MYO1D: variants seen among roughly 807,000 people sequenced by gnomAD.
MYO1D encodes myosin ID.
In MYO1D, 83 loss-of-function variants were observed where a neutral mutation model predicts 122.0. The ratio of observed to expected loss-of-function variants is 0.68; its 90% CI spans 0.57 to 0.82. The LOEUF (loss-of-function observed/expected upper bound fraction) is 0.82, where lower values mean the gene tolerates loss of function less well. MYO1D is among the 40% of genes least tolerant of loss of function. The probability of loss-of-function intolerance (pLI) is 0.00; values close to 1 mark genes in which losing one functional copy is unlikely to be tolerated. For missense variants in MYO1D, 1,157 were observed against 1,269.5 expected (o/e 0.91, Z 1.35); for synonymous variants, 464 against 446.9 (o/e 1.04, Z -0.48).
At chr17:32,823,892 C>A (rs896054458) in intron 1 of MYO1D, among the ~76,000 whole-genome samples, 1 of 151,604 alleles carries the variant, frequency 6.6e-6, no homozygotes, top group Admixed American at 6.6e-5. Context: ...ATGGTGAAAC[C>A]CTGTCTCTAC....
chr17:32,655,719 T>C (rs1183344499), intron 17 of MYO1D, among the ~76,000 whole-genome samples: 3 of 152,108 alleles, frequency 2.0e-5, no homozygotes, highest in Admixed American at 6.5e-5. Context: ...GCCTTTCCTC[T>C]GAATGAGATG....
chr17:32,519,903 A>T (rs78980278), intron 21 of MYO1D, among the ~76,000 whole-genome samples: 81,838 of 127,502 alleles, frequency 0.64, 23,985 homozygotes, highest in Non-Finnish European at 0.66. Context: ...TTTTTTTTTA[A>T]AAAAAAAAAC....
intron 20 of MYO1D, among the ~76,000 whole-genome samples, chr17:32,622,482 A>G (rs1470125930): frequency 6.6e-6 from 1 of 152,176 alleles, no homozygotes; most frequent in African/African-American, 2.4e-5. Flanking sequence ...ATAATGTGAC[A>G]GGTGGTGATG....
intron 2 of MYO1D, 100 bp downstream of exon 2, chr17:32,780,476 T>C (rs2090223538): frequency 7.9e-7 from 1 of 1,258,824 alleles, no homozygotes; most frequent in African/African-American, 1.8e-5. Context: ...CTCAGGCTTC[T>C]ACCTTTAAAA....
At chr17:32,796,974 T>G (rs904845175) in intron 1 of MYO1D, among the ~76,000 whole-genome samples, 2 of 151,688 alleles carry the variant, frequency 1.3e-5, no homozygotes, top group Admixed American at 6.6e-5. Flanking sequence ...GCATCACTTT[T>G]GTTGTTTTTT....
chr17:32,650,958 C>CAT (rs2088380066), intron 19 of MYO1D, among the ~76,000 whole-genome samples: 1 of 151,960 alleles, frequency 6.6e-6, no homozygotes, highest in African/African-American at 2.4e-5. Flanking sequence ...GAGTGGATGT[C>CAT]ATATGTTGTG....
At chr17:32,591,664 C>CA (rs112581480) in intron 21 of MYO1D, among the ~76,000 whole-genome samples, 2,652 of 144,976 alleles carry the variant, frequency 0.018, 63 homozygotes, top group African/African-American at 0.057. Context: ...GTGATTTCAT[C>CA]AAAAAAAAAA....
intron 20 of MYO1D, among the ~76,000 whole-genome samples, chr17:32,617,136 C>T (rs968845100): frequency 7.2e-5 from 11 of 152,038 alleles, no homozygotes; most frequent in African/African-American, 2.7e-4. Flanking sequence ...GCTGAGATCA[C>T]GCCACTGTAC....
At position 32,841,466 on chromosome 17, in the gene MYO1D, C is replaced by CA. The variant is rs549196518; in HGVS notation, c.95+35311dup. ...TGGGTGACAGAGTGAGACCCTGTCT[C>CA]AAAAAAAAAAAAAATACACAACCCC... is the stretch of plus-strand genomic sequence containing the variant. On this transcript the variant is annotated intron_variant, in intron 1 of 21. Transcript: ENST00000318217. Among the ~76,000 whole-genome samples, 753 of 129,140 alleles carry CA rather than the reference C, an allele frequency of 5.8e-3. 5 individuals are homozygous for CA. The highest frequency in any genetic ancestry group is 0.012 in the African/African-American group (440 of 35,838). The allele number at this position is 129,140 out of a possible 152,430, so 84.7% of individuals were successfully genotyped here.
At chr17:32,696,229 T>G (rs962934639) in intron 16 of MYO1D, among the ~76,000 whole-genome samples, 1 of 152,084 alleles carries the variant, frequency 6.6e-6, no homozygotes, top group African/African-American at 2.4e-5. Flanking sequence ...CTGTGGCATT[T>G]CACAGAATGA....
At chr17:32,777,350 T>C (rs2151026850) in intron 3 of MYO1D, among the ~76,000 whole-genome samples, 1 of 152,258 alleles carries the variant, frequency 6.6e-6, no homozygotes, top group South Asian at 2.1e-4. Context: ...TATCCTTTCT[T>C]CCTATTTATA....
At chr17:32,580,538 T>A (rs1228866589) in intron 21 of MYO1D, among the ~76,000 whole-genome samples, 2 of 151,270 alleles carry the variant, frequency 1.3e-5, no homozygotes, top group African/African-American at 4.9e-5. Context: ...GCCTCCTGAG[T>A]AGCTGGGACT....
chr17:32,801,463 G>A (rs2090460326), intron 1 of MYO1D, among the ~76,000 whole-genome samples: 1 of 152,290 alleles, frequency 6.6e-6, no homozygotes, highest in Admixed American at 6.5e-5. Flanking sequence ...GCAGGGGAGG[G>A]GTCTAGGAAG....
At chr17:32,864,207 G>A (rs1001722674) in intron 1 of MYO1D, among the ~76,000 whole-genome samples, 1 of 151,366 alleles carries the variant, frequency 6.6e-6, no homozygotes, top group African/African-American at 2.4e-5. Context: ...GAGTGCCAGG[G>A]CCTGAAGCCC....
At chr17:32,574,099 G>A (rs560560844) in intron 21 of MYO1D, among the ~76,000 whole-genome samples, 6 of 150,704 alleles carry the variant, frequency 4.0e-5, no homozygotes, top group Non-Finnish European at 8.9e-5. Flanking sequence ...TGATCCGTCC[G>A]CCTCAGCCTC....
At chr17:32,515,238 G>T (rs1013369119) in intron 21 of MYO1D, among the ~76,000 whole-genome samples, 3 of 152,296 alleles carry the variant, frequency 2.0e-5, no homozygotes, top group African/African-American at 7.2e-5. Flanking sequence ...AAGCAACTAT[G>T]CCACCTTCCA....
chr17:32,684,804 G>T (rs980358999), intron 16 of MYO1D, among the ~76,000 whole-genome samples: 2 of 152,164 alleles, frequency 1.3e-5, no homozygotes, highest in Non-Finnish European at 2.9e-5. Context: ...AAAAACTGCT[G>T]CCAATTTGCC....
At chr17:32,821,534 T>TCTCACACA (rs1555545455) in intron 1 of MYO1D, among the ~76,000 whole-genome samples, 12 of 143,158 alleles carry the variant, frequency 8.4e-5, no homozygotes, top group Admixed American at 6.3e-4. Context: ...GATAAGTAAA[T>TCTCACACA]CACACATACA....
chr17:32,817,785 A>G (rs1482672233), intron 1 of MYO1D, among the ~76,000 whole-genome samples: 15 of 152,208 alleles, frequency 9.9e-5, no homozygotes, highest in Non-Finnish European at 2.2e-4. Flanking sequence ...TATGGTATGC[A>G]CTTTTAAAGA....
Sources: gnomAD v4.1 joint callset for allele counts (sites outside exome capture counted in the v4.1 genomes callset) on GRCh38, gnomAD v4.1.1 for gene constraint, MANE v1.5 for transcripts, NCBI Gene and HGNC (gene_info 2026-07-23, HGNC 2026-07-21) for gene names.